Variants in LRP11 observed in about 807,000 individuals in gnomAD.
The protein encoded by LRP11 is low-density lipoprotein receptor-related protein 11.
In LRP11, 25 loss-of-function variants were observed where a neutral mutation model predicts 43.1. That is an observed-to-expected ratio of 0.58 (90% confidence interval 0.42 to 0.81). The LOEUF (loss-of-function observed/expected upper bound fraction) is 0.81, where lower values mean the gene tolerates loss of function less well. LRP11 is among the 30% of genes least tolerant of loss of function. The pLI is 0.00. For synonymous variants in LRP11, 316 were observed against 299.4 expected (o/e 1.06, Z -0.57); for missense variants, 623 against 665.1 (o/e 0.94, Z 0.70).
chr6:149,848,746 A>C (rs1776676269), intron 2 of LRP11, among the ~76,000 whole-genome samples: 3 of 151,392 alleles, frequency 2.0e-5, no homozygotes, highest in Admixed American at 2.0e-4. Flanking sequence ...GGATGGAAGG[A>C]GGGAGAGGTT....
At chr6:149,826,955 AATT>A (rs976641366) in intron 5 of LRP11, among the ~76,000 whole-genome samples, 1 of 146,806 alleles carries the variant, frequency 6.8e-6, no homozygotes, top group African/African-American at 2.6e-5. Flanking sequence ...CTGAGGGGGA[AATT>A]ATTATTATTT....
At chr6:149,829,155 A>AG (rs1452584878) in intron 5 of LRP11, among the ~76,000 whole-genome samples, 11 of 152,230 alleles carry the variant, frequency 7.2e-5, no homozygotes, top group African/African-American at 2.4e-4. Flanking sequence ...CCGTACTGCC[A>AG]GGTTAGCTTG....
chr6:149,858,263 G>A (rs1322026791), intron 1 of LRP11, among the ~76,000 whole-genome samples: 2 of 152,092 alleles, frequency 1.3e-5, no homozygotes, highest in Admixed American at 6.5e-5. Flanking sequence ...TGTTCTCATT[G>A]TTCAACTCCC....
At chr6:149,837,025 TA>T (rs924644394) in intron 4 of LRP11, among the ~76,000 whole-genome samples, 8 of 152,046 alleles carry the variant, frequency 5.3e-5, no homozygotes, top group African/African-American at 1.2e-4. Context: ...AAATTTTCTT[TA>T]AAAAATTATC....
chr6:149,864,055 G>C lies in LRP11; in HGVS notation c.-35C>G. ...AGCCAAGGGCAGCGAGCCGAGGCGG[G>C]GCTGAGCGCGGGAGGAAGGCGGGGA... On this transcript the variant is annotated 5_prime_UTR_variant, in exon 1 of 7. Coordinates refer to ENST00000239367, the MANE Select transcript of LRP11 (RefSeq NM_032832.6). 2.3e-6 allele frequency: 3 copies of C among 1,280,308 alleles called. No individual in the cohort carries two copies. The highest frequency in any genetic ancestry group is 2.9e-6 in the Non-Finnish European group (3 of 1,017,624). 79.3% of individuals were successfully genotyped at this position (1,280,308 alleles called of 1,614,324 possible).
At chr6:149,851,399 G>A (rs1249558195) in intron 2 of LRP11, among the ~76,000 whole-genome samples, 1 of 152,228 alleles carries the variant, frequency 6.6e-6, no homozygotes, top group Non-Finnish European at 1.5e-5. Flanking sequence ...TCCAGACAAG[G>A]CAGGATAGTG....
chr6:149,824,916 G>C (rs911550678), intron 6 of LRP11, among the ~76,000 whole-genome samples: 19 of 152,218 alleles, frequency 1.2e-4, no homozygotes, highest in Non-Finnish European at 2.2e-4. Context: ...CAGCCAACTA[G>C]AGCTGAGACT....
intron 2 of LRP11, among the ~76,000 whole-genome samples, chr6:149,850,794 T>C (rs905777282): frequency 2.6e-5 from 4 of 152,226 alleles, no homozygotes; most frequent in African/African-American, 4.8e-5. Context: ...ATGTTAACCC[T>C]GAAGGATCCA....
chr6:149,863,115 T>A (rs1776950653), intron 1 of LRP11, among the ~76,000 whole-genome samples: 1 of 152,088 alleles, frequency 6.6e-6, no homozygotes, highest in Non-Finnish European at 1.5e-5. Context: ...AAAACAAACT[T>A]TTTTCTCTCA....
intron 1 of LRP11, among the ~76,000 whole-genome samples, chr6:149,853,631 C>G (rs1339004132): frequency 1.3e-5 from 2 of 152,178 alleles, no homozygotes; most frequent in Admixed American, 1.3e-4. Context: ...CCTCAACCGC[C>G]CGAGTAGCTG....
Position 149,820,305 on chromosome 6 carries a change from A to G in LRP11, c.*244T>C, listed in dbSNP as rs1040746068. ...TAAGTACACATTTCTATTTTCAGGG[A>G]CAGCTTACATAAATCAGAATTATAT... On this transcript the variant is annotated 3_prime_UTR_variant, in exon 7 of 7. Coordinates refer to ENST00000239367, the MANE Select transcript of LRP11 (RefSeq NM_032832.6). 1 of 337,782 alleles carries G rather than the reference A, an allele frequency of 3.0e-6. No homozygotes were observed. The highest frequency in any genetic ancestry group is 9.2e-4 in the Middle Eastern group (1 of 1,082). 20.9% of individuals were successfully genotyped at this position (337,782 alleles called of 1,614,324 possible).
At chr6:149,863,150 T>A (rs986800030) in intron 1 of LRP11, among the ~76,000 whole-genome samples, 1 of 152,204 alleles carries the variant, frequency 6.6e-6, no homozygotes, top group Non-Finnish European at 1.5e-5. Context: ...TTAAGTCATA[T>A]TTCCACGAAT....
At position 149,863,465 on chromosome 6, in the gene LRP11, G is replaced by GGCTGAAGCT; in HGVS notation, c.555_556insAGCTTCAGC (p.Ser185_Leu186insSerPheSer). On this transcript the variant is annotated inframe_insertion, in exon 1 of 7. Coordinates refer to ENST00000239367, the MANE Select transcript of LRP11 (RefSeq NM_032832.6). ...GCGGCGCCGTCCGGCGCGCGGCTGAGGCTGTAGCTGCTGTAGCCGCTGTGC... is the reference window on the plus strand; with the variant it reads ...GCGGCGCCGTCCGGCGCGCGGCTGAGGCTGAAGCTGCTGTAGCTGCTGTAGCCGCTGTGC... 7.5e-7 allele frequency: 1 copy of GGCTGAAGCT among 1,338,728 alleles called. No individual in the cohort carries two copies. The highest frequency in any genetic ancestry group is 2.0e-5 in the South Asian group (1 of 49,592). The allele number at this position is 1,338,728 out of a possible 1,614,324, so 82.9% of individuals were successfully genotyped here.
At chr6:149,834,675 A>G (rs1435664466) in intron 5 of LRP11, among the ~76,000 whole-genome samples, 1 of 152,186 alleles carries the variant, frequency 6.6e-6, no homozygotes, top group African/African-American at 2.4e-5. Context: ...AACCACATCC[A>G]AAGGCTTGCA....
At chr6:149,855,884 C>T (rs1172789843) in intron 1 of LRP11, among the ~76,000 whole-genome samples, 1 of 152,116 alleles carries the variant, frequency 6.6e-6, no homozygotes, top group Non-Finnish European at 1.5e-5. Flanking sequence ...TGTTCTTCTG[C>T]CTTTTTCCAC....
chr6:149,845,815 T>C (rs1222732516), intron 2 of LRP11, among the ~76,000 whole-genome samples: 1 of 151,468 alleles, frequency 6.6e-6, no homozygotes, highest in African/African-American at 2.4e-5. Context: ...GATCAGAGAA[T>C]CAGATAAATA....
At chr6:149,838,586 G>A (rs975906435) in intron 3 of LRP11, among the ~76,000 whole-genome samples, 3 of 151,604 alleles carry the variant, frequency 2.0e-5, no homozygotes, top group African/African-American at 7.3e-5. Context: ...TCGGGAGGCT[G>A]AGACAGGAGA....
Position 149,843,004 on chromosome 6 carries a change from G to A in LRP11, c.892C>T (p.Arg298Cys), listed in dbSNP as rs750392279. Reference protein sequence around the residue: ...SSDNVSVTVLRAAYSTGGCLH... With the variant: ...SSDNVSVTVLCAAYSTGGCLH... The stretch of plus-strand genomic sequence containing the variant: ...TCACCTCCTGTGGAGTAGGCTGCGC[G>A]AAGCACTGTCACTGACACGTTGTCA... Residue 298 changes from arginine (R) to cysteine (C), a missense_variant, in exon 3 of 7, where the codon CGC (arginine) becomes TGC (cysteine). By Grantham distance (180) the Arg-to-Cys change is radical. Transcript: ENST00000239367. 41 of 1,614,198 alleles carry A rather than the reference G, an allele frequency of 2.5e-5. No individual in the cohort carries two copies. The highest frequency in any genetic ancestry group is 2.9e-5 in the Non-Finnish European group (34 of 1,180,038).
intron 2 of LRP11, among the ~76,000 whole-genome samples, chr6:149,844,064 C>A (rs1046356670): frequency 1.3e-5 from 2 of 152,092 alleles, no homozygotes; most frequent in South Asian, 4.1e-4. Flanking sequence ...ACCATCTTGG[C>A]CAACATGGTG....
Sources: allele counts gnomAD v4.1 joint callset (sites outside exome capture counted in the v4.1 genomes callset), GRCh38; gene constraint gnomAD v4.1.1; transcripts MANE v1.5; gene names NCBI Gene and HGNC (gene_info 2026-07-23, HGNC 2026-07-21).